ASTL: variants seen among roughly 807,000 people sequenced by gnomAD.
The protein encoded by ASTL is astacin like metalloendopeptidase.
A neutral mutation model predicts 36.7 loss-of-function variants in ASTL; 27 were observed. That is an observed-to-expected ratio of 0.73 (90% confidence interval 0.54 to 1.01). The LOEUF is 1.01. ASTL is among the 50% of genes least tolerant of loss of function. The pLI is 0.00. For synonymous variants in ASTL, 222 were observed against 228.1 expected, an observed-to-expected ratio of 0.97 and a Z score of 0.24; for missense variants, 524 against 572.8, an observed-to-expected ratio of 0.91 and a Z score of 0.87.
intron 3 of ASTL, 125 bp downstream of exon 3, chr2:96,135,226 G>T: frequency 1.5e-6 from 1 of 683,362 alleles, no homozygotes; most frequent in Admixed American, 2.8e-5. Context: ...TTGACAAAAA[G>T]AGGCATCTAC....
In ASTL at chr2:96,133,987, G is replaced by C; in HGVS notation, c.315C>G (p.Pro105=). The change falls in exon 4 of 9, where the codon CCC becomes CCG. Residue 105 remains proline, a synonymous_variant. Transcript: ENST00000342380. The part of the protein sequence containing the change: ...PMGGSGVVEV[P]FLLSSKYDEP... ...CACCGTACTTGCTGGAGAGCAGGAA[G>C]GGGACCTCCACGACACCACTACCAC... is the stretch of plus-strand genomic sequence containing the variant. 5 of 1,613,642 alleles carry C rather than the reference G, an allele frequency of 3.1e-6. No individual in the cohort carries two copies.
At chr2:96,133,369 A>G (rs886554027) in intron 5 of ASTL, 56 bp downstream of exon 5, 1 of 1,225,686 alleles carries the variant, frequency 8.2e-7, no homozygotes, top group Non-Finnish European at 1.2e-6. Context: ...GGCCAAGTTA[A>G]TTCCGGGCTG....
In ASTL at chr2:96,138,465, C is replaced by T. The variant is rs1415571736; in HGVS notation, c.-29G>A. On this transcript the variant is annotated 5_prime_UTR_variant, in exon 1 of 9. Coordinates refer to ENST00000342380, the MANE Select transcript of ASTL (RefSeq NM_001002036.4). Reference sequence around the variant, plus strand: ...AGAGCCCTGCTGCCCCTTCAGCAAACAAGACCAAGCCCCAGCAAGACACAG... The same window carrying T: ...AGAGCCCTGCTGCCCCTTCAGCAAATAAGACCAAGCCCCAGCAAGACACAG... 6.3e-7 allele frequency: 1 copy of T among 1,595,792 alleles called. No homozygotes were observed. The highest frequency in any genetic ancestry group is 1.3e-5 in the African/African-American group (1 of 74,572).
intron 1 of ASTL, among the ~76,000 whole-genome samples, chr2:96,137,953 A>G (rs1682340040): frequency 6.6e-6 from 1 of 152,166 alleles, no homozygotes; most frequent in Non-Finnish European, 1.5e-5. Context: ...CCTATGAGGT[A>G]GAGGAGGGGC....
chr2:96,132,454 C>G lies in ASTL; in HGVS notation c.637+86G>C. ...GCAGGTGATGGGGAGGATGGATAGC[C>G]TCACCCATGGGGACCAGGCGACTTG... On this transcript the variant is annotated intron_variant, in intron 6 of 8. Transcript: ENST00000342380. The surrounding 1 kb of genome is among the most constrained non-coding windows in gnomAD (Gnocchi z 5.4). 1 of 1,282,382 alleles carries G rather than the reference C, an allele frequency of 7.8e-7. No homozygotes were observed. Among genetic ancestry groups the G allele is most frequent in the Admixed American group, 2.3e-5 (1 of 42,684 alleles). 79.4% of individuals were successfully genotyped at this position (1,282,382 alleles called of 1,614,324 possible).
At position 96,130,100 on chromosome 2, in the gene ASTL, G is replaced by A. The variant is rs767172858; in HGVS notation, c.683C>T (p.Thr228Met). ...CATCACAGAGGAGTAGTCATAGGGC[G>A]TCAGCATGTTGCTGCTCTGAGACTT... ...FIKSQSSNML[T>M]PYDYSSVMHY... is the part of the protein sequence containing the mutation. Residue 228 changes from threonine (T) to methionine (M), a missense_variant, in exon 7 of 9, where the codon ACG becomes ATG. Thr to Met is a moderately conservative substitution (Grantham distance 81). Transcript: ENST00000342380. 2.2e-5 allele frequency: 35 copies of A among 1,613,974 alleles called. No homozygotes were observed. Among genetic ancestry groups the A allele is most frequent in the South Asian group, 1.2e-4 (11 of 91,088 alleles).
chr2:96,134,734 G>T (rs529772274), intron 3 of ASTL, among the ~76,000 whole-genome samples: 1 of 152,366 alleles, frequency 6.6e-6, no homozygotes, highest in Non-Finnish European at 1.5e-5. Flanking sequence ...TGTGCCGTCA[G>T]TGGCAGCCTC....
intron 8 of ASTL, among the ~76,000 whole-genome samples, chr2:96,127,060 G>A (rs1335918307): frequency 2.6e-5 from 4 of 152,282 alleles, no homozygotes; most frequent in Admixed American, 6.5e-5. Context: ...TCTATCCAAC[G>A]GAATGTTATT....
chr2:96,134,786 CA>C (rs1682262187), intron 3 of ASTL, among the ~76,000 whole-genome samples: 1 of 152,366 alleles, frequency 6.6e-6, no homozygotes, highest in African/African-American at 2.4e-5. Context: ...CTGTCCTATT[CA>C]GGAGCCTTCT....
At chr2:96,137,749 G>T in intron 1 of ASTL, 49 bp from the exon 2 acceptor site, 1 of 1,579,672 alleles carries the variant, frequency 6.3e-7, no homozygotes. Context: ...GCACCCACCG[G>T]TGAGACCAGA....
chr2:96,133,291 C>G, intron 5 of ASTL, 134 bp downstream of exon 5: 1 of 729,934 alleles, frequency 1.4e-6, no homozygotes, highest in Non-Finnish European at 2.5e-6. Context: ...TCACACTTGG[C>G]AGACCCCTCA....
At chr2:96,137,465 G>C in intron 2 of ASTL, 110 bp downstream of exon 2, 1 of 1,315,518 alleles carries the variant, frequency 7.6e-7, no homozygotes, top group Non-Finnish European at 1.1e-6. Flanking sequence ...AGAGCCCAGA[G>C]TAAGCTGGTC....
rs768277964 is a variant in ASTL at position 96,123,925 on chromosome 2, G to T, written c.1221C>A (p.Val407=). ...VPSSEAGIQP[V]PVQGSPALPG... is the part of the protein sequence containing the mutation. Reference sequence around the variant, plus strand: ...GCAGAGCTGGGCTTCCCTGGACAGGGACTGGCTGGATTCCTGCTTCTGAAG... The same window carrying T: ...GCAGAGCTGGGCTTCCCTGGACAGGTACTGGCTGGATTCCTGCTTCTGAAG... Residue 407 remains valine, a synonymous_variant, in exon 9 of 9, where the codon GTC becomes GTA. Transcript: ENST00000342380. 3.7e-6 allele frequency: 6 copies of T among 1,613,902 alleles called. No individual in the cohort carries two copies. The Admixed American group carries it at 8.3e-5, about 22-fold the overall frequency.
Position 96,137,562 on chromosome 2 carries a change from G to A in ASTL, c.181+13C>T, listed in dbSNP as rs1401357512. 6.2e-7 allele frequency: 1 copy of A among 1,612,244 alleles called. No individual in the cohort carries two copies. Among genetic ancestry groups the A allele is most frequent in the East Asian group, 2.2e-5 (1 of 44,826 alleles). On this transcript the variant is annotated intron_variant, in intron 2 of 8. Coordinates refer to ENST00000342380, the MANE Select transcript of ASTL (RefSeq NM_001002036.4). ...GTGCCCCTCCAGGCCGTGAGAAGAT[G>A]TAGTGCCCTCACCTTGGTTAATTGC...
intron 8 of ASTL, among the ~76,000 whole-genome samples, chr2:96,129,089 T>C (rs1353789595): frequency 6.6e-6 from 1 of 152,096 alleles, no homozygotes; most frequent in Non-Finnish European, 1.5e-5. Context: ...CAAACTTATT[T>C]TGAGTGGGAA....
chr2:96,124,960 C>T lies in ASTL; in HGVS notation c.875-689G>A, dbSNP rs1382380556. Among the ~76,000 whole-genome samples, 4 of 152,206 alleles carry T rather than the reference C, an allele frequency of 2.6e-5. No homozygotes were observed. Among genetic ancestry groups the T allele is most frequent in the African/African-American group, 9.7e-5 (4 of 41,448 alleles). ...CTACCAGGTCCTGTTAGCCTCACAGCCCACACCGCCCTCCAGACCTGGTCA... is the reference window on the plus strand; with the variant it reads ...CTACCAGGTCCTGTTAGCCTCACAGTCCACACCGCCCTCCAGACCTGGTCA... On this transcript the variant is annotated intron_variant, in intron 8 of 8. Transcript: ENST00000342380. This position sits in a 1 kb window ranked among gnomAD's most constrained non-coding sequence, Gnocchi z 4.1.
Position 96,124,941 on chromosome 2 carries a change from G to A in ASTL, c.875-670C>T, listed in dbSNP as rs987673381. Among the ~76,000 whole-genome samples, 47 of 152,172 alleles carry A rather than the reference G, an allele frequency of 3.1e-4. No individual in the cohort carries two copies. The highest frequency in any genetic ancestry group is 9.9e-4 in the African/African-American group (41 of 41,418). On this transcript the variant is annotated intron_variant, in intron 8 of 8. Coordinates refer to ENST00000342380, the MANE Select transcript of ASTL (RefSeq NM_001002036.4). This position sits in a 1 kb window ranked among gnomAD's most constrained non-coding sequence, Gnocchi z 4.1. The stretch of plus-strand genomic sequence containing the variant: ...ACTTCAACTGGTGACTCTTCTACCA[G>A]GTCCTGTTAGCCTCACAGCCCACAC...
rs1341342296 is a variant in ASTL, at chr2:96,132,429, G to C, written c.637+111C>G. On this transcript the variant is annotated intron_variant, in intron 6 of 8. Coordinates refer to ENST00000342380, the MANE Select transcript of ASTL (RefSeq NM_001002036.4). This position sits in a 1 kb window ranked among gnomAD's most constrained non-coding sequence, Gnocchi z 5.4. Reference sequence around the variant, plus strand: ...CCCCCACCTTCCCCACAGGAAGCAGGCAGGTGATGGGGAGGATGGATAGCC... The same window carrying C: ...CCCCCACCTTCCCCACAGGAAGCAGCCAGGTGATGGGGAGGATGGATAGCC... The C allele has an allele frequency of 1.0e-6, 1 of 953,034 alleles. No homozygotes were observed. Among genetic ancestry groups the C allele is most frequent in the East Asian group, 2.7e-5 (1 of 36,484 alleles). The allele number at this position is 953,034 out of a possible 1,614,324, so 59.0% of individuals were successfully genotyped here. A position where few individuals can be genotyped will look rare whatever the true frequency, so the allele number is the denominator to read the frequency against.
intron 1 of ASTL, among the ~76,000 whole-genome samples, chr2:96,138,095 C>CCTGA (rs1361453953): frequency 6.6e-6 from 1 of 152,162 alleles, no homozygotes; most frequent in African/African-American, 2.4e-5. Flanking sequence ...TGACTCCCTG[C>CCTGA]CTGACCAGGC....
Sources: gnomAD v4.1 joint callset for allele counts (sites outside exome capture counted in the v4.1 genomes callset) on GRCh38, gnomAD v4.1.1 for gene constraint, Gnocchi (gnomAD v3.1) non-coding constraint, MANE v1.5 for transcripts, NCBI Gene and HGNC (gene_info 2026-07-23, HGNC 2026-07-21) for gene names.